Variants in NCOA1 observed in about 807,000 individuals in gnomAD.
The protein encoded by NCOA1 is Hin-2 protein.
NCOA1 carries 35 observed loss-of-function variants against 150.9 expected under a neutral mutation model. That is an observed-to-expected ratio of 0.23 (90% CI 0.18 to 0.31). The LOEUF is 0.31. Among genes scored for constraint, NCOA1 ranks in the 10% least tolerant of loss-of-function variants. The probability of loss-of-function intolerance (pLI) is 1.00; values close to 1 mark genes in which losing one functional copy is unlikely to be tolerated. For missense variants in NCOA1, 1,491 were observed against 1,749.3 expected (o/e 0.85, Z 2.63); for synonymous variants, 590 against 630.0 (o/e 0.94, Z 0.95).
chr2:24,602,197 A>G (rs558290177), intron 3 of NCOA1, among the ~76,000 whole-genome samples: 1 of 152,220 alleles, frequency 6.6e-6, no homozygotes, highest in African/African-American at 2.4e-5. Context: ...GTTAAGTAGT[A>G]AAGTTTAGCA....
chr2:24,708,193 C>T (rs1158453977), intron 13 of NCOA1, among the ~76,000 whole-genome samples: 1 of 152,148 alleles, frequency 6.6e-6, no homozygotes, highest in Admixed American at 6.5e-5. Context: ...CCCAGCCCTA[C>T]CTATTGAATC....
intron 3 of NCOA1, among the ~76,000 whole-genome samples, chr2:24,632,024 T>C (rs1173097451): frequency 3.3e-5 from 5 of 151,854 alleles, no homozygotes; most frequent in African/African-American, 9.7e-5. Context: ...AAATAATATA[T>C]AGTATTTGGT....
chr2:24,511,776 T>A (rs975999699), intron 1 of NCOA1, among the ~76,000 whole-genome samples: 2 of 152,228 alleles, frequency 1.3e-5, no homozygotes, highest in Non-Finnish European at 2.9e-5. Context: ...TGGTGCCATA[T>A]TGAAGAAACC....
chr2:24,514,451 C>T (rs1664077223), intron 1 of NCOA1, among the ~76,000 whole-genome samples: 1 of 151,754 alleles, frequency 6.6e-6, no homozygotes, highest in African/African-American at 2.4e-5. Flanking sequence ...GCAATTGTGA[C>T]TTAAAATAAA....
chr2:24,756,972 T>C (rs915420607), intron 20 of NCOA1, among the ~76,000 whole-genome samples: 1 of 152,212 alleles, frequency 6.6e-6, no homozygotes, highest in African/African-American at 2.4e-5. Flanking sequence ...CATGAAGCTA[T>C]GTTGAGGCCT....
chr2:24,664,665 G>A (rs1241002543), intron 5 of NCOA1, among the ~76,000 whole-genome samples: 4 of 151,696 alleles, frequency 2.6e-5, no homozygotes, highest in African/African-American at 7.3e-5. Context: ...CCGAGATTGC[G>A]CCACTGCACT....
intron 1 of NCOA1, among the ~76,000 whole-genome samples, chr2:24,562,003 C>G (rs1666313023): frequency 6.6e-6 from 1 of 151,896 alleles, no homozygotes; most frequent in South Asian, 2.1e-4. Flanking sequence ...AAATCTCACT[C>G]TATACATTAT....
intron 10 of NCOA1, among the ~76,000 whole-genome samples, chr2:24,696,504 T>C (rs148702325): frequency 1.3e-5 from 2 of 152,340 alleles, no homozygotes; most frequent in African/African-American, 4.8e-5. Flanking sequence ...GATGAAAGGA[T>C]GTTAGATTAG....
At position 24,752,067 on chromosome 2, in the gene NCOA1, G is replaced by C; in HGVS notation, c.3792G>C (p.Gln1264His). 1 of 1,614,138 alleles carries C rather than the reference G, an allele frequency of 6.2e-7. No individual in the cohort carries two copies. The highest frequency in any genetic ancestry group is 8.5e-7 in the Non-Finnish European group (1 of 1,180,018). The stretch of plus-strand genomic sequence containing the variant: ...TGCCGATGCCAATCCCTCCTCCTCA[G>C]AGTTCTCTTCTCCAGCAAACTCCAC... ...SMVPMPIPPP[Q>H]SSLLQQTPPA... The change falls in exon 20 of 23, where the codon CAG becomes CAC. Residue 1264 changes from glutamine (Q) to histidine (H), a missense_variant. Physicochemically the swap from Gln to His is conservative, Grantham distance 24. Coordinates refer to ENST00000348332, the MANE Select transcript of NCOA1 (RefSeq NM_003743.5).
intron 17 of NCOA1, among the ~76,000 whole-genome samples, chr2:24,738,780 A>G (rs1363695196): frequency 6.6e-6 from 1 of 152,240 alleles, no homozygotes; most frequent in Admixed American, 6.5e-5. Context: ...AATATCCTGC[A>G]GAACAATGTT....
chr2:24,692,431 T>A (rs1672708055), intron 9 of NCOA1, among the ~76,000 whole-genome samples: 1 of 152,190 alleles, frequency 6.6e-6, no homozygotes, highest in Admixed American at 6.5e-5. Flanking sequence ...AAACAAAACT[T>A]GGGAATGGGA....
At chr2:24,607,461 G>A (rs1284089200) in intron 3 of NCOA1, among the ~76,000 whole-genome samples, 6 of 152,160 alleles carry the variant, frequency 3.9e-5, no homozygotes, top group East Asian at 1.9e-4. Context: ...AGGCCAAGGC[G>A]GGCGGATCAT....
chr2:24,597,673 C>A (rs896341762), intron 3 of NCOA1, among the ~76,000 whole-genome samples: 1 of 152,122 alleles, frequency 6.6e-6, no homozygotes, highest in African/African-American at 2.4e-5. Flanking sequence ...CCTTGGGCAA[C>A]CTCAGTCTTT....
chr2:24,495,288 A>G (rs1328986586), intron 1 of NCOA1, among the ~76,000 whole-genome samples: 1 of 152,138 alleles, frequency 6.6e-6, no homozygotes, highest in Non-Finnish European at 1.5e-5. Context: ...AGTTGTATCC[A>G]TGCTTCTTCC....
chr2:24,741,951 C>T lies in NCOA1; in HGVS notation c.3471C>T (p.Pro1157=). Residue 1157 remains proline, a synonymous_variant, in exon 19 of 23, where the codon CCC becomes CCT. Coordinates refer to ENST00000348332, the MANE Select transcript of NCOA1 (RefSeq NM_003743.5). ...SSGLPVQMGN[P]RLPQGAPQQF... is the part of the protein sequence containing the mutation. ...GACTACCAGTTCAAATGGGGAACCC[C>T]CGTCTTCCTCAGGGTGCTCCACAGC... is the stretch of plus-strand genomic sequence containing the variant. The T allele has an allele frequency of 6.2e-7, 1 of 1,614,210 alleles. No homozygotes were observed. The highest frequency in any genetic ancestry group is 8.5e-7 in the Non-Finnish European group (1 of 1,180,040).
chr2:24,644,325 A>G (rs866129451), intron 4 of NCOA1, among the ~76,000 whole-genome samples: 1 of 152,314 alleles, frequency 6.6e-6, no homozygotes, highest in African/African-American at 2.4e-5. Flanking sequence ...ATTTTAGTGT[A>G]TGTCGAAATC....
At chr2:24,667,777 GCT>G (rs2148509832) in intron 6 of NCOA1, among the ~76,000 whole-genome samples, 1 of 152,246 alleles carries the variant, frequency 6.6e-6, no homozygotes, top group East Asian at 1.9e-4. Context: ...TGTCTGGAAT[GCT>G]CTGTCTCTAG....
At chr2:24,699,285 A>G (rs571827964) in intron 11 of NCOA1, among the ~76,000 whole-genome samples, 5 of 152,280 alleles carry the variant, frequency 3.3e-5, no homozygotes, top group East Asian at 1.9e-4. Context: ...TTATTTGCCT[A>G]TAATTTACGT....
intron 14 of NCOA1, among the ~76,000 whole-genome samples, chr2:24,718,605 G>C (rs1419404700): frequency 2.0e-5 from 3 of 151,912 alleles, no homozygotes; most frequent in Middle Eastern, 3.4e-3. Context: ...GCTGAGGCAG[G>C]CAGATCACTT....
Sources: gnomAD v4.1 joint callset for allele counts (sites outside exome capture counted in the v4.1 genomes callset) on GRCh38, gnomAD v4.1.1 for gene constraint, MANE v1.5 for transcripts, NCBI Gene and HGNC (gene_info 2026-07-23, HGNC 2026-07-21) for gene names.